MARK2: variants seen among roughly 807,000 people sequenced by gnomAD.
The protein encoded by MARK2 is microtubule affinity regulating kinase 2.
In MARK2, 16 loss-of-function variants were observed where a neutral mutation model predicts 89.8. The ratio of observed to expected loss-of-function variants is 0.18; its 90% CI spans 0.12 to 0.27. MARK2 has a LOEUF of 0.27. Ranked by LOEUF, MARK2 falls within the 10% of genes least tolerant of loss-of-function variation. The pLI is 1.00. For synonymous variants in MARK2, 382 were observed against 399.5 expected (o/e 0.96, Z 0.52); for missense variants, 621 against 1,049.9 (o/e 0.59, Z 5.65).
At chr11:63,861,101 A>G (rs1056140200) in intron 1 of MARK2, among the ~76,000 whole-genome samples, 2 of 152,090 alleles carry the variant, frequency 1.3e-5, no homozygotes, top group African/African-American at 4.8e-5. Context: ...TTAATGTGCT[A>G]TTTTCTCTCT....
rs1029693310 is a variant in MARK2, at chr11:63,840,579, C to T, written c.54+1019C>T. Among the ~76,000 whole-genome samples, 5 of 152,326 alleles carry T rather than the reference C, an allele frequency of 3.3e-5. No homozygotes were observed. In the East Asian group the frequency reaches 7.7e-4, roughly 24 times the overall value. ...ACCATGATGACTTTCTGTGTCTTCA[C>T]TCCCGTGCCTGGCACTTAGAGTATT... On this transcript the variant is annotated intron_variant, in intron 1 of 18. Transcript: ENST00000402010.
chr11:63,851,474 C>G (rs191694223), intron 1 of MARK2, among the ~76,000 whole-genome samples: 1 of 151,686 alleles, frequency 6.6e-6, no homozygotes, highest in African/African-American at 2.4e-5. Flanking sequence ...TTGTATTTTC[C>G]TCTTCCTTTT....
At chr11:63,881,804 A>G in intron 1 of MARK2, among the ~76,000 whole-genome samples, 1 of 152,148 alleles carries the variant, frequency 6.6e-6, no homozygotes, top group East Asian at 1.9e-4. Flanking sequence ...AATAAATAAA[A>G]AACTAGCCAG....
At chr11:63,908,600 C>G (rs1941539478) in intron 18 of MARK2, among the ~76,000 whole-genome samples, 1 of 152,228 alleles carries the variant, frequency 6.6e-6, no homozygotes, top group African/African-American at 2.4e-5. Flanking sequence ...AGGCTTCTTT[C>G]TGGAGAGAGA....
At chr11:63,873,905 C>T (rs910623993) in intron 1 of MARK2, among the ~76,000 whole-genome samples, 9 of 152,234 alleles carry the variant, frequency 5.9e-5, no homozygotes, top group African/African-American at 2.2e-4. Flanking sequence ...CCTCGGCCTC[C>T]CGAGGGACTG....
At chr11:63,896,813 CAGA>C (rs1249632647) in intron 3 of MARK2, among the ~76,000 whole-genome samples, 1 of 152,148 alleles carries the variant, frequency 6.6e-6, no homozygotes, top group Non-Finnish European at 1.5e-5. Flanking sequence ...TCCAGCCCCA[CAGA>C]AGAAGTCAGC....
intron 1 of MARK2, chr11:63,888,484 G>T (rs989725747): frequency 5.0e-6 from 5 of 1,008,464 alleles, no homozygotes; most frequent in East Asian, 1.0e-4. Flanking sequence ...GCCCACTTCC[G>T]GGGAGGGGGG....
In MARK2 at chr11:63,903,480, G is replaced by A; in HGVS notation, c.1514+322G>A. 1 of 398,814 alleles carries A rather than the reference G, an allele frequency of 2.5e-6. No individual in the cohort carries two copies. The highest frequency in any genetic ancestry group is 2.5e-5 in the South Asian group (1 of 40,464). 24.7% of individuals were successfully genotyped at this position (398,814 alleles called of 1,614,324 possible). A position where few individuals can be genotyped will look rare whatever the true frequency, so the allele number is the denominator to read the frequency against. ...TGAGCAGCTAAGGCCTTGTGTTGGG[G>A]GTCCCAGCTCAGGGCAGAACCAAGA... On this transcript the variant is annotated intron_variant, in intron 14 of 18. Transcript: ENST00000402010. The surrounding 1 kb of genome is among the most constrained non-coding windows in gnomAD (Gnocchi z 5.1).
intron 1 of MARK2, chr11:63,880,158 T>G (rs1337134927): frequency 2.0e-5 from 3 of 152,094 alleles, no homozygotes; most frequent in African/African-American, 4.8e-5. Flanking sequence ...ATCTCATGCT[T>G]CTTTTTTACT....
chr11:63,886,964 G>A (rs1470380732), intron 1 of MARK2, among the ~76,000 whole-genome samples: 1 of 152,244 alleles, frequency 6.6e-6, no homozygotes, highest in African/African-American at 2.4e-5. Context: ...GAGGGCCCGG[G>A]CAAGCTTGAG....
chr11:63,903,027 T>C lies in MARK2; in HGVS notation c.1417-34T>C, dbSNP rs762995787. ...AACCTGGCTGTAGACCACTTTGGCT[T>C]TCTGATAGAACGCTTGCCCTTTATT... On this transcript the variant is annotated intron_variant, in intron 13 of 18. Transcript: ENST00000402010. The surrounding 1 kb of genome is among the most constrained non-coding windows in gnomAD (Gnocchi z 5.1). 1 of 1,593,350 alleles carries C rather than the reference T, an allele frequency of 6.3e-7. No individual in the cohort carries two copies. Among genetic ancestry groups the C allele is most frequent in the Admixed American group, 1.7e-5 (1 of 60,002 alleles).
At chr11:63,874,883 C>A (rs574307926) in intron 1 of MARK2, among the ~76,000 whole-genome samples, 38 of 152,122 alleles carry the variant, frequency 2.5e-4, no homozygotes, top group African/African-American at 8.9e-4. Flanking sequence ...TGTGTGAGGC[C>A]TTAGGACTGG....
chr11:63,857,181 T>A (rs1194568936), intron 1 of MARK2, among the ~76,000 whole-genome samples: 1 of 152,068 alleles, frequency 6.6e-6, no homozygotes, highest in Non-Finnish European at 1.5e-5. Flanking sequence ...GTATTTGTTG[T>A]TTTTTGAGAC....
chr11:63,846,721 T>G (rs1332149242), intron 1 of MARK2, among the ~76,000 whole-genome samples: 9 of 150,760 alleles, frequency 6.0e-5, no homozygotes, highest in Admixed American at 6.0e-4. Context: ...AGTGGCACGA[T>G]CTCGGCTCAC....
In MARK2 at chr11:63,839,526, C is replaced by G; in HGVS notation, c.20C>G (p.Pro7Arg). 6.5e-7 allele frequency: 1 copy of G among 1,540,240 alleles called. No individual in the cohort carries two copies. The highest frequency in any genetic ancestry group is 8.8e-7 in the Non-Finnish European group (1 of 1,141,964). The change falls in exon 1 of 19, where the codon CCC (proline) becomes CGC (arginine). Residue 7 changes from proline to arginine, a missense_variant. Physicochemically the swap from Pro to Arg is moderately radical, Grantham distance 103. Transcript: ENST00000402010. MSSART[P>R]LPTLNERDTE... ...GGCGCCATGTCCAGCGCTCGGACCC[C>G]CCTACCCACGCTGAACGAGAGGGAC...
chr11:63,888,456 C>CTTGG, intron 1 of MARK2: 4 of 906,376 alleles, frequency 4.4e-6, no homozygotes, highest in Non-Finnish European at 5.2e-6. Context: ...AGCAAAGCAC[C>CTTGG]TTGGGGAGGG....
In MARK2 at chr11:63,902,427, T is replaced by A; in HGVS notation, c.1234+97T>A. On this transcript the variant is annotated intron_variant, in intron 12 of 18. Coordinates refer to ENST00000402010, the MANE Select transcript of MARK2 (RefSeq NM_001039469.3). This position sits in a 1 kb window ranked among gnomAD's most constrained non-coding sequence, Gnocchi z 4.2. ...GGGTAACACAACTAAGTTTCAGTCC[T>A]GGTTCAGCCACTTATTAGTAGTGTG... The A allele has an allele frequency of 6.5e-7, 1 of 1,530,500 alleles. No individual in the cohort carries two copies. The highest frequency in any genetic ancestry group is 1.4e-5 in the African/African-American group (1 of 73,332). The allele number at this position is 1,530,500 out of a possible 1,614,324, so 94.8% of individuals were successfully genotyped here.
Position 63,903,260 on chromosome 11 carries a change from C to G in MARK2, c.1514+102C>G. ...CTCCTGTCCCTGCCAGCGCATTGCT[C>G]CCTGCTCCCTGGAGTTCCATCCTGG... On this transcript the variant is annotated intron_variant, in intron 14 of 18. Transcript: ENST00000402010. This position sits in a 1 kb window ranked among gnomAD's most constrained non-coding sequence, Gnocchi z 5.1. The G allele has an allele frequency of 1.1e-6, 1 of 884,320 alleles. No homozygotes were observed. The highest frequency in any genetic ancestry group is 2.2e-4 in the Middle Eastern group (1 of 4,540). The allele number at this position is 884,320 out of a possible 1,614,324, so 54.8% of individuals were successfully genotyped here.
intron 3 of MARK2, 139 bp from the exon 4 acceptor site, chr11:63,898,093 T>G: frequency 3.1e-5 from 22 of 709,828 alleles, no homozygotes; most frequent in East Asian, 1.0e-4. Context: ...AGGCCGTGCA[T>G]GAGCTAGACA....
Sources: gnomAD v4.1 joint callset for allele counts (sites outside exome capture counted in the v4.1 genomes callset) on GRCh38, gnomAD v4.1.1 for gene constraint, Gnocchi (gnomAD v3.1) non-coding constraint, MANE v1.5 for transcripts, NCBI Gene and HGNC (gene_info 2026-07-23, HGNC 2026-07-21) for gene names.